Variants in MTAP observed in about 807,000 individuals in gnomAD.
The protein encoded by MTAP is S-methyl-5'-thioadenosine phosphorylase.
A neutral mutation model predicts 33.6 loss-of-function variants in MTAP; 33 were observed. The observed-to-expected ratio is 0.98, with a 90% CI of 0.74 to 1.31. The LOEUF (loss-of-function observed/expected upper bound fraction) is 1.31, where lower values mean the gene tolerates loss of function less well. Ranked by LOEUF, MTAP falls within the 40% of genes most tolerant of loss-of-function variation. MTAP has a pLI of 0.00. For synonymous variants in MTAP, 148 were observed against 125.7 expected (o/e 1.18, Z -1.19); for missense variants, 367 against 360.0 (o/e 1.02, Z -0.16).
At chr9:21,905,169 CT>C (rs1818454314) in intron 1 of MTAP, among the ~76,000 whole-genome samples, 2 of 152,280 alleles carry the variant, frequency 1.3e-5, no homozygotes, top group South Asian at 2.1e-4. Context: ...GGTTCCTTCC[CT>C]AGTGTATTGG....
chr9:21,867,171 T>C (rs1027391718), downstream of MTAP: 1 of 152,200 alleles, frequency 6.6e-6, no homozygotes, highest in African/African-American at 2.4e-5. Context: ...GTTTACCTTT[T>C]GTTTCTTCTT....
In MTAP at chr9:21,817,974, A is replaced by G. The variant is rs1824526765; in HGVS notation, c.180-61A>G. On this transcript the variant is annotated intron_variant, in intron 3 of 7. Coordinates refer to ENST00000644715, the MANE Select transcript of MTAP (RefSeq NM_002451.4). ...AATCACTTAATTTTTTCTAGACTCT[A>G]GGAGAAAACAGTTGGTGGTGTACTC... 1.3e-5 allele frequency: 19 copies of G among 1,473,944 alleles called. No homozygotes were observed. In the South Asian group the frequency reaches 2.5e-4, roughly 19 times the overall value. 91.3% of individuals were successfully genotyped at this position (1,473,944 alleles called of 1,614,324 possible).
intron 1 of MTAP, among the ~76,000 whole-genome samples, chr9:21,915,450 T>G (rs1818672430): frequency 6.6e-6 from 1 of 152,118 alleles, no homozygotes; most frequent in Non-Finnish European, 1.5e-5. Context: ...CGCATTTTGT[T>G]TATTCATTTG....
At chr9:21,905,494 C>T (rs1437964397) in intron 1 of MTAP, among the ~76,000 whole-genome samples, 2 of 150,966 alleles carry the variant, frequency 1.3e-5, no homozygotes, top group Admixed American at 6.6e-5. Context: ...ACTTAAAAAA[C>T]ACACACACAT....
intron 1 of MTAP, among the ~76,000 whole-genome samples, chr9:21,897,581 C>T (rs1046893350): frequency 6.6e-6 from 1 of 152,146 alleles, no homozygotes; most frequent in Non-Finnish European, 1.5e-5. Flanking sequence ...TTCTTATACA[C>T]CAATAACAGA....
chr9:21,929,921 C>T, intron 1 of MTAP: 1 of 403,114 alleles, frequency 2.5e-6, no homozygotes, highest in Non-Finnish European at 4.9e-6. Flanking sequence ...TTCTAACCAA[C>T]AGACTGATGG....
intron 1 of MTAP, among the ~76,000 whole-genome samples, chr9:21,911,093 T>C (rs1818568795): frequency 1.3e-5 from 2 of 152,132 alleles, no homozygotes. Context: ...ATCCTAAATA[T>C]ATATGCACCC....
At chr9:21,901,745 A>G (rs991134486) in intron 1 of MTAP, among the ~76,000 whole-genome samples, 1 of 152,192 alleles carries the variant, frequency 6.6e-6, no homozygotes, top group Non-Finnish European at 1.5e-5. Context: ...AGGAACCCAC[A>G]TGGGCCTGGA....
At chr9:21,879,500 T>A (rs983418173) in intron 1 of MTAP, among the ~76,000 whole-genome samples, 6 of 152,108 alleles carry the variant, frequency 3.9e-5, no homozygotes, top group Admixed American at 1.3e-4. Context: ...TTGTTTTTTT[T>A]ATCCAGCTTG....
At chr9:21,896,764 C>CA (rs1375888184) in intron 1 of MTAP, among the ~76,000 whole-genome samples, 1 of 152,114 alleles carries the variant, frequency 6.6e-6, no homozygotes, top group South Asian at 2.1e-4. Context: ...CAAAAAACTC[C>CA]AGGAACAGAT....
chr9:21,923,073 G>A (rs1344640268), intron 1 of MTAP, among the ~76,000 whole-genome samples: 4 of 152,074 alleles, frequency 2.6e-5, no homozygotes, highest in Non-Finnish European at 5.9e-5. Flanking sequence ...CTTTCACTTT[G>A]TATGCCACGC....
rs1401786535 is a variant in MTAP at position 21,854,883 on chromosome 9, C to T, written c.690+13C>T. On this transcript the variant is annotated intron_variant, in intron 6 of 7. Coordinates refer to ENST00000644715, the MANE Select transcript of MTAP (RefSeq NM_002451.4). ...GCACGAGGAAGCAGTAGGTGGAATT[C>T]TTTTCTAAGCACATATAGCATGGGT... The T allele has an allele frequency of 1.2e-6, 2 of 1,613,656 alleles. No individual in the cohort carries two copies. Among genetic ancestry groups the T allele is most frequent in the African/African-American group, 1.3e-5 (1 of 75,028 alleles).
chr9:21,911,784 C>A (rs748996029), intron 1 of MTAP, among the ~76,000 whole-genome samples: 6 of 151,838 alleles, frequency 4.0e-5, no homozygotes, highest in Non-Finnish European at 8.8e-5. Flanking sequence ...AAGATGGGAG[C>A]AGAACTGAAG....
chr9:21,859,225 C>G lies in MTAP; in HGVS notation c.691-78C>G, dbSNP rs771487454. 1,293 of 1,535,442 alleles carry G rather than the reference C, an allele frequency of 8.4e-4. 2 individuals are homozygous for G. Among genetic ancestry groups the G allele is most frequent in the Non-Finnish European group, 1.1e-3 (1,219 of 1,145,088 alleles). ...CACAAACATTTAGGCTGTAGCAAGG[C>G]TGGAGCTCAGAAAAATGTTTTATGA... On this transcript the variant is annotated intron_variant, in intron 6 of 7. Transcript: ENST00000644715.
chr9:21,885,631 A>C (rs564228269), intron 1 of MTAP, among the ~76,000 whole-genome samples: 1 of 152,178 alleles, frequency 6.6e-6, no homozygotes, highest in Middle Eastern at 3.4e-3. Context: ...GTGGCTTTGC[A>C]TCCTCGTGGC....
chr9:21,868,348 C>G (rs1334626038), downstream of MTAP, among the ~76,000 whole-genome samples: 2 of 152,154 alleles, frequency 1.3e-5, no homozygotes, highest in Non-Finnish European at 2.9e-5. Flanking sequence ...GGATGACTAT[C>G]TAAAAAGCAC....
At chr9:21,847,998 C>T (rs574299624) in intron 5 of MTAP, among the ~76,000 whole-genome samples, 25 of 152,152 alleles carry the variant, frequency 1.6e-4, no homozygotes, top group Non-Finnish European at 3.2e-4. Flanking sequence ...AGTTTGAAAA[C>T]TCTGATGAAC....
intron 4 of MTAP, among the ~76,000 whole-genome samples, chr9:21,823,189 T>A (rs987549048): frequency 2.0e-5 from 3 of 152,202 alleles, no homozygotes; most frequent in Non-Finnish European, 4.4e-5. Context: ...AGCTGGTTAT[T>A]TTGGTCGTTA....
chr9:21,810,237 A>T (rs573384619), intron 1 of MTAP, among the ~76,000 whole-genome samples: 1 of 152,092 alleles, frequency 6.6e-6, no homozygotes, highest in East Asian at 1.9e-4. Flanking sequence ...GTACATGGCA[A>T]TGTTCTCCAT....
Sources: gnomAD v4.1 joint callset for allele counts (sites outside exome capture counted in the v4.1 genomes callset) on GRCh38, gnomAD v4.1.1 for gene constraint, MANE v1.5 for transcripts, NCBI Gene and HGNC (gene_info 2026-07-23, HGNC 2026-07-21) for gene names.